Variants in RIMBP2 observed in about 807,000 individuals in gnomAD.
RIMBP2 encodes RIMS binding protein 2, also known as RIMS-binding protein 2.
A neutral mutation model predicts 118.6 loss-of-function variants in RIMBP2; 48 were observed. The ratio of observed to expected loss-of-function variants is 0.40; its 90% confidence interval spans 0.32 to 0.51. The LOEUF (loss-of-function observed/expected upper bound fraction) is 0.51. Ranked by LOEUF, RIMBP2 falls within the 20% of genes least tolerant of loss-of-function variation. The pLI is 0.41. For missense variants in RIMBP2, 1,551 were observed against 1,768.3 expected (o/e 0.88, Z 2.20); for synonymous variants, 762 against 742.9 (o/e 1.03, Z -0.42).
intron 1 of RIMBP2, among the ~76,000 whole-genome samples, chr12:130,702,847 G>A (rs561280450): frequency 1.3e-3 from 195 of 152,144 alleles, no homozygotes; most frequent in African/African-American, 4.6e-3. Context: ...TCTTGGGGCC[G>A]CTCTTTTCTC....
chr12:130,569,313 T>C (rs2057457315), intron 2 of RIMBP2, among the ~76,000 whole-genome samples: 1 of 152,178 alleles, frequency 6.6e-6, no homozygotes, highest in Non-Finnish European at 1.5e-5. Flanking sequence ...GAAAGCCTTG[T>C]TAGCTTAAAG....
At chr12:130,468,262 A>G (rs1486009049) in intron 6 of RIMBP2, among the ~76,000 whole-genome samples, 1 of 152,218 alleles carries the variant, frequency 6.6e-6, no homozygotes, top group Non-Finnish European at 1.5e-5. Flanking sequence ...TCTGCTTCCC[A>G]GGAGCTGGCC....
rs915128509 is a variant in RIMBP2, at chr12:130,420,013, G to T, written c.3238+2440C>A. 1.3e-5 allele frequency among the ~76,000 whole-genome samples: 2 copies of T among 152,162 alleles called. No homozygotes were observed. The highest frequency in any genetic ancestry group is 2.4e-5 in the African/African-American group (1 of 41,436). On this transcript the variant is annotated intron_variant, in intron 17 of 22. Transcript: ENST00000690449. This position sits in a 1 kb window ranked among gnomAD's most constrained non-coding sequence, Gnocchi z 4.3. The stretch of plus-strand genomic sequence containing the variant: ...AAAAATAGGAAGTGTATGGTTTACA[G>T]ACTTAATTTCCTCTGAAAAAGATAA...
chr12:130,698,017 G>A (rs553285332), intron 1 of RIMBP2, among the ~76,000 whole-genome samples: 50 of 152,254 alleles, frequency 3.3e-4, no homozygotes, highest in African/African-American at 1.2e-3. Flanking sequence ...GCTAACTTGC[G>A]GTCACGGGCG....
intron 1 of RIMBP2, among the ~76,000 whole-genome samples, chr12:130,693,481 C>T (rs2065428945): frequency 6.6e-6 from 1 of 152,144 alleles, no homozygotes; most frequent in African/African-American, 2.4e-5. Context: ...TGGTGACCCC[C>T]AAAGCCAGTG....
intron 1 of RIMBP2, among the ~76,000 whole-genome samples, chr12:130,674,095 G>T (rs2064328471): frequency 6.6e-6 from 1 of 152,220 alleles, no homozygotes; most frequent in African/African-American, 2.4e-5. Context: ...TCCAGCCTGG[G>T]CGACAGAGTG....
At chr12:130,693,141 G>C (rs1240898405) in intron 1 of RIMBP2, among the ~76,000 whole-genome samples, 2 of 152,044 alleles carry the variant, frequency 1.3e-5, no homozygotes, top group African/African-American at 4.8e-5. Context: ...ACTCCTATGG[G>C]AGCATTTCTT....
At chr12:130,664,538 C>T (rs67115407) in intron 1 of RIMBP2, among the ~76,000 whole-genome samples, 46,035 of 151,268 alleles carry the variant, frequency 0.3, 7,605 homozygotes, top group Middle Eastern at 0.37. Context: ...GTCATGACAC[C>T]TCGGCTGTCA....
chr12:130,638,539 A>G (rs1337020242), intron 1 of RIMBP2, among the ~76,000 whole-genome samples: 1 of 152,202 alleles, frequency 6.6e-6, no homozygotes. Context: ...ATCATCAGGC[A>G]TTAGGTTCTC....
chr12:130,480,664 G>GCT (rs2081912276), intron 4 of RIMBP2, among the ~76,000 whole-genome samples: 3 of 152,070 alleles, frequency 2.0e-5, no homozygotes, highest in African/African-American at 7.2e-5. Context: ...ACAGTGGCAG[G>GCT]ATCTTGGCTC....
chr12:130,622,794 G>A lies in RIMBP2; in HGVS notation c.-217+5528C>T, dbSNP rs145274582. The stretch of plus-strand genomic sequence containing the variant: ...CAATGCCTCCACTAGGCTGATAGTC[G>A]CAAAATTCTCCACAAAAGGCATAGA... On this transcript the variant is annotated intron_variant, in intron 2 of 22. Transcript: ENST00000690449. This position sits in a 1 kb window ranked among gnomAD's most constrained non-coding sequence, Gnocchi z 8.5. Among the ~76,000 whole-genome samples, 128 of 152,250 alleles carry A rather than the reference G, an allele frequency of 8.4e-4. 1 individual carries two copies. The highest frequency in any genetic ancestry group is 1.6e-3 in the Admixed American group (24 of 15,288).
intron 2 of RIMBP2, among the ~76,000 whole-genome samples, chr12:130,582,451 C>T (rs2058542545): frequency 6.6e-6 from 1 of 152,208 alleles, no homozygotes; most frequent in Non-Finnish European, 1.5e-5. Context: ...AGCCCATGCT[C>T]TTCCTGCCAC....
rs914489296 is a variant in RIMBP2, at chr12:130,688,415, G to T, written c.-352+27807C>A. Among the ~76,000 whole-genome samples the T allele has an allele frequency of 6.6e-6, 1 of 152,162 alleles. No individual in the cohort carries two copies. The highest frequency in any genetic ancestry group is 1.5e-5 in the Non-Finnish European group (1 of 68,038). ...TCTGGGGCCATTGGATAACACATAC[G>T]TTTGCTTAGGTATCAGATCTAATGA... On this transcript the variant is annotated intron_variant, in intron 1 of 22. Coordinates refer to ENST00000690449, the MANE Select transcript of RIMBP2 (RefSeq NM_001393629.1). This position sits in a 1 kb window ranked among gnomAD's most constrained non-coding sequence, Gnocchi z 4.7.
chr12:130,578,810 T>G lies in RIMBP2; in HGVS notation c.-217+49512A>C, dbSNP rs1370015110. 6.6e-6 allele frequency among the ~76,000 whole-genome samples: 1 copy of G among 152,208 alleles called. No homozygotes were observed. The highest frequency in any genetic ancestry group is 1.9e-4 in the East Asian group (1 of 5,200). ...ATCTGGAGCCCTAGGGCTGAACATG[T>G]GCAGAGATTCAGAAAGGCTTGGATT... On this transcript the variant is annotated intron_variant, in intron 2 of 22. Transcript: ENST00000690449. The surrounding 1 kb of genome is among the most constrained non-coding windows in gnomAD (Gnocchi z 4.1).
In RIMBP2 at chr12:130,621,706, C is replaced by A. The variant is rs550638331; in HGVS notation, c.-217+6616G>T. Reference sequence around the variant, plus strand: ...CCCAGGGCCCGAGTTTACCAAGAGACACGAGTGAAATGGATGATACCGAGA... The same window carrying A: ...CCCAGGGCCCGAGTTTACCAAGAGAAACGAGTGAAATGGATGATACCGAGA... On this transcript the variant is annotated intron_variant, in intron 2 of 22. Coordinates refer to ENST00000690449, the MANE Select transcript of RIMBP2 (RefSeq NM_001393629.1). This position sits in a 1 kb window ranked among gnomAD's most constrained non-coding sequence, Gnocchi z 6.6. Among the ~76,000 whole-genome samples the A allele has an allele frequency of 5.9e-5, 9 of 152,320 alleles. No individual in the cohort carries two copies. Among genetic ancestry groups the A allele is most frequent in the African/African-American group, 2.2e-4 (9 of 41,580 alleles).
Position 130,447,376 on chromosome 12 carries a change from T to G in RIMBP2, c.582-2107A>C, listed in dbSNP as rs2137278753. Among the ~76,000 whole-genome samples, 1 of 152,178 alleles carries G rather than the reference T, an allele frequency of 6.6e-6. No individual in the cohort carries two copies. The highest frequency in any genetic ancestry group is 2.1e-4 in the South Asian group (1 of 4,808). ...GGAGGCCACCCGACCTCGTGGGTGT[T>G]CAGGGCAGACGCTGCCACGTACTGT... On this transcript the variant is annotated intron_variant, in intron 9 of 22. Transcript: ENST00000690449. This position sits in a 1 kb window ranked among gnomAD's most constrained non-coding sequence, Gnocchi z 4.4.
chr12:130,701,996 G>A (rs1262388311), intron 1 of RIMBP2, among the ~76,000 whole-genome samples: 1 of 152,076 alleles, frequency 6.6e-6, no homozygotes, highest in Non-Finnish European at 1.5e-5. Context: ...GCACGAAAGA[G>A]GCCCCCATGT....
chr12:130,536,493 G>A (rs572745653), intron 2 of RIMBP2, among the ~76,000 whole-genome samples: 33 of 152,074 alleles, frequency 2.2e-4, no homozygotes, highest in African/African-American at 7.5e-4. Context: ...AAATTTCACC[G>A]TCATACCCCA....
rs181563833 is a variant in RIMBP2 at position 130,552,949 on chromosome 12, G to A, written c.-216-35032C>T. Among the ~76,000 whole-genome samples, 335 of 152,024 alleles carry A rather than the reference G, an allele frequency of 2.2e-3. 3 individuals are homozygous for A. The highest frequency in any genetic ancestry group is 0.018 in the Admixed American group (277 of 15,268). ...AGGCGGATCACGAGGTCAGGAGATCGAGACTATCCTGGCTAACATGGTGAA... is the reference window on the plus strand; with the variant it reads ...AGGCGGATCACGAGGTCAGGAGATCAAGACTATCCTGGCTAACATGGTGAA... On this transcript the variant is annotated intron_variant, in intron 2 of 22. Coordinates refer to ENST00000690449, the MANE Select transcript of RIMBP2 (RefSeq NM_001393629.1).
Sources: allele counts gnomAD v4.1 joint callset (sites outside exome capture counted in the v4.1 genomes callset), GRCh38; gene constraint gnomAD v4.1.1; non-coding constraint Gnocchi (gnomAD v3.1); transcripts MANE v1.5; gene names NCBI Gene and HGNC (gene_info 2026-07-23, HGNC 2026-07-21).